Variants in PRKDC observed in about 807,000 individuals in gnomAD.
The protein encoded by PRKDC is protein kinase, DNA-activated, catalytic subunit, also known as DNA-dependent protein kinase catalytic subunit.
A neutral mutation model predicts 486.9 loss-of-function variants in PRKDC; 82 were observed. The ratio of observed to expected loss-of-function variants is 0.17; its 90% CI spans 0.14 to 0.20. The LOEUF is 0.20. PRKDC is among the 10% of genes least tolerant of loss of function. PRKDC has a pLI of 1.00. For synonymous variants in PRKDC, 1,895 were observed against 1,837.0 expected, an observed-to-expected ratio of 1.03 and a Z score of -0.81; for missense variants, 4,504 against 5,038.2, an observed-to-expected ratio of 0.89 and a Z score of 3.21.
intron 4 of PRKDC, 131 bp downstream of exon 4, chr8:47,955,743 T>C (rs1004685252): frequency 1.6e-4 from 108 of 659,220 alleles, no homozygotes; most frequent in Non-Finnish European, 5.0e-5. Context: ...ATGTGCATCT[T>C]ACCCACACAT....
intron 7 of PRKDC, among the ~76,000 whole-genome samples, chr8:47,945,771 G>C (rs949851370): frequency 6.6e-6 from 1 of 152,076 alleles, no homozygotes; most frequent in African/African-American, 2.4e-5. Context: ...ACCCAGGCTG[G>C]AGTGCAGTGG....
intron 60 of PRKDC, among the ~76,000 whole-genome samples, chr8:47,831,545 C>T (rs8178183): frequency 6.6e-5 from 10 of 150,852 alleles, no homozygotes; most frequent in Non-Finnish European, 1.5e-4. Context: ...GGGCGCGGGC[C>T]TTGAGGTAGG....
chr8:47,945,992 G>A (rs1181208164), intron 7 of PRKDC, among the ~76,000 whole-genome samples: 1 of 151,746 alleles, frequency 6.6e-6, no homozygotes, highest in Non-Finnish European at 1.5e-5. Flanking sequence ...AAAGTGCCGG[G>A]ATTACAGGTG....
intron 40 of PRKDC, among the ~76,000 whole-genome samples, chr8:47,873,227 C>CAAAA (rs60385860): frequency 1.1e-4 from 8 of 71,080 alleles, no homozygotes; most frequent in South Asian, 8.8e-4. Flanking sequence ...GACTCCATCT[C>CAAAA]AAAAAAAAAA....
intron 7 of PRKDC, among the ~76,000 whole-genome samples, chr8:47,950,710 G>A (rs141242959): frequency 3.9e-4 from 60 of 152,126 alleles, no homozygotes; most frequent in Non-Finnish European, 7.6e-4. Context: ...TTGGCCAGGC[G>A]TGGCAGGTCA....
At chr8:47,852,028 A>C (rs557002928) in intron 52 of PRKDC, among the ~76,000 whole-genome samples, 2 of 152,320 alleles carry the variant, frequency 1.3e-5, no homozygotes, top group South Asian at 4.1e-4. Flanking sequence ...AGGTGGGAGG[A>C]TGGCTTGAGC....
At position 47,858,528 on chromosome 8, in the gene PRKDC, A is replaced by C. The variant is rs988196608; in HGVS notation, c.6453T>G (p.Ile2151Met). 1 of 1,511,316 alleles carries C rather than the reference A, an allele frequency of 6.6e-7. No individual in the cohort carries two copies. 93.6% of individuals were successfully genotyped at this position (1,511,316 alleles called of 1,614,324 possible). A position where few individuals can be genotyped will look rare whatever the true frequency, so the allele number is the denominator to read the frequency against. ...NIRLFLAKLVINTEEVFRPYA... is the reference protein window; with the variant it reads ...NIRLFLAKLVMNTEEVFRPYA... ...ATCAATTACTTACCTCTTCTGTATT[A>C]ATAACAAGCTTGGCTAAGAAGAGAC... The change falls in exon 48 of 86, where the codon ATT becomes ATG. Residue 2151 changes from isoleucine to methionine, a missense_variant. Transcript: ENST00000314191.
chr8:47,834,287 C>T lies in PRKDC; in HGVS notation c.8061G>A (p.Arg2687=). 6.2e-7 allele frequency: 1 copy of T among 1,614,004 alleles called. No individual in the cohort carries two copies. Among genetic ancestry groups the T allele is most frequent in the Non-Finnish European group, 8.5e-7 (1 of 1,179,880 alleles). ...SLLFAHKRSE[R]LQRAPLKSVG... ...CTGACTTCAAGGGTGCTCTCTGTAA[C>T]CTTTCACTCCTCTTGTGGGCAAACA... Residue 2687 remains arginine (R), a synonymous_variant, in exon 59 of 86, where the codon AGG becomes AGA. Coordinates refer to ENST00000314191, the MANE Select transcript of PRKDC (RefSeq NM_006904.7).
intron 32 of PRKDC, 35 bp downstream of exon 32, chr8:47,890,222 C>T (rs1471971713): frequency 1.3e-6 from 2 of 1,521,616 alleles, no homozygotes; most frequent in Non-Finnish European, 1.8e-6. Context: ...TTTTCCAGTA[C>T]CAAAAACTGA....
chr8:47,943,324 G>A lies in PRKDC; in HGVS notation c.851C>T (p.Thr284Ile), dbSNP rs778568394. 3 of 1,611,672 alleles carry A rather than the reference G, an allele frequency of 1.9e-6. No homozygotes were observed. The highest frequency in any genetic ancestry group is 1.1e-5 in the South Asian group (1 of 90,522). The change falls in exon 10 of 86, where the codon ACC becomes ATC. Residue 284 changes from threonine to isoleucine, a missense_variant. Around this residue, in one of 6 missense-constraint regions of PRKDC, gnomAD observed 1,969 missense variants for 2,068.9 expected, o/e 0.95. Transcript: ENST00000314191. ...AGACACGTAGTTGTCCAGAAGGCAGGTGCTAAACTGAGATGCATGCAGGGC... is the reference window on the plus strand; with the variant it reads ...AGACACGTAGTTGTCCAGAAGGCAGATGCTAAACTGAGATGCATGCAGGGC... ...LFALHASQFS[T>I]CLLDNYVSLF...
chr8:47,805,023 A>G (rs2087191097), intron 69 of PRKDC: 1 of 151,534 alleles, frequency 6.6e-6, no homozygotes, highest in Admixed American at 6.6e-5. Flanking sequence ...CGGCCTCCCA[A>G]AGTGCTGGGA....
intron 54 of PRKDC, 55 bp from the exon 55 acceptor site, chr8:47,840,244 T>C (rs1287227138): frequency 2.1e-6 from 3 of 1,447,500 alleles, no homozygotes; most frequent in Non-Finnish European, 2.8e-6. Flanking sequence ...TATTGCACTT[T>C]CAAAGTATGA....
chr8:47,861,935 A>G (rs1486103472), intron 44 of PRKDC, 127 bp downstream of exon 44: 2 of 702,720 alleles, frequency 2.8e-6, no homozygotes, highest in Non-Finnish European at 4.7e-6. Context: ...TTTTATAGAA[A>G]CCACATGAAA....
rs537627834 is a variant in PRKDC at position 47,916,277 on chromosome 8, G to A, written c.2527-859C>T. On this transcript the variant is annotated intron_variant, in intron 22 of 85. Coordinates refer to ENST00000314191, the MANE Select transcript of PRKDC (RefSeq NM_006904.7). ...CCTTTCACCAACATGGTGAAAGCCCGTCTCTACTAAAAATAAAACAATTAG... is the reference window on the plus strand; with the variant it reads ...CCTTTCACCAACATGGTGAAAGCCCATCTCTACTAAAAATAAAACAATTAG... 1.1e-4 allele frequency among the ~76,000 whole-genome samples: 16 copies of A among 152,048 alleles called. 1 individual carries two copies. Among genetic ancestry groups the A allele is most frequent in the Admixed American group, 3.9e-4 (6 of 15,272 alleles).
intron 11 of PRKDC, among the ~76,000 whole-genome samples, chr8:47,937,420 C>T (rs754552074): frequency 1.3e-5 from 2 of 152,222 alleles, no homozygotes; most frequent in African/African-American, 2.4e-5. Flanking sequence ...AAATGAGAGG[C>T]AGTCCCTGCC....
chr8:47,810,662 C>T (rs1023868141), intron 68 of PRKDC, among the ~76,000 whole-genome samples: 5 of 152,148 alleles, frequency 3.3e-5, no homozygotes, highest in African/African-American at 4.8e-5. Flanking sequence ...GTTAACTATG[C>T]TCCAGGAGGT....
intron 63 of PRKDC, among the ~76,000 whole-genome samples, chr8:47,824,590 C>T (rs2087689330): frequency 6.6e-6 from 1 of 151,724 alleles, no homozygotes; most frequent in African/African-American, 2.4e-5. Context: ...ACAGGCGAAC[C>T]ATTTGGAATC....
chr8:47,947,437 T>G lies in PRKDC; in HGVS notation c.722-3408A>C, dbSNP rs1230436344. On this transcript the variant is annotated intron_variant, in intron 7 of 85. Transcript: ENST00000314191. ...ATGGTAGGAACTTGGTGATTTCAAT[T>G]ACTGGTTTAACACCAAGTTCATCAC... Among the ~76,000 whole-genome samples, 10 of 152,346 alleles carry G rather than the reference T, an allele frequency of 6.6e-5. No homozygotes were observed. The East Asian group carries it at 1.5e-3, about 23-fold the overall frequency.
chr8:47,888,790 G>T lies in PRKDC; in HGVS notation c.4281-140C>A, dbSNP rs987762306. On this transcript the variant is annotated intron_variant, in intron 33 of 85. Transcript: ENST00000314191. ...GATCCACACGCACTAAGCTAGCATG[G>T]AGATCAAACATGGCGCTAACCATGT... The T allele has an allele frequency of 3.1e-6, 4 of 1,283,256 alleles. No homozygotes were observed. The African/African-American group carries it at 4.5e-5, about 15-fold the overall frequency. The allele number at this position is 1,283,256 out of a possible 1,614,324, so 79.5% of individuals were successfully genotyped here. A position where few individuals can be genotyped will look rare whatever the true frequency, so the allele number is the denominator to read the frequency against.
Sources: allele counts gnomAD v4.1 joint callset (sites outside exome capture counted in the v4.1 genomes callset), GRCh38; gene constraint gnomAD v4.1.1; regional missense constraint gnomAD v4.1.1; transcripts MANE v1.5; gene names NCBI Gene and HGNC (gene_info 2026-07-23, HGNC 2026-07-21).